SAGE1: variants seen among roughly 807,000 people sequenced by gnomAD.
The protein encoded by SAGE1 is cancer/testis antigen 14.
Under a neutral mutation model 55.4 loss-of-function variants are expected in SAGE1, and 55 were observed. The observed-to-expected ratio is 0.99, with a 90% CI of 0.80 to 1.24. The LOEUF (loss-of-function observed/expected upper bound fraction) is 1.24, where lower values mean the gene tolerates loss of function less well. SAGE1 is among the 50% of genes most tolerant of loss of function. The pLI is 0.00. For synonymous variants in SAGE1, 240 were observed against 244.3 expected (o/e 0.98, Z 0.17); for missense variants, 710 against 704.4 (o/e 1.01, Z -0.09).
intron 2 of SAGE1, among the ~76,000 whole-genome samples, chrX:135,899,927 T>C (rs2088644862): frequency 9.0e-6 from 1 of 111,146 alleles, no homozygotes; most frequent in African/African-American, 3.3e-5. Flanking sequence ...TATAGGGTCA[T>C]GTCATCTGCA....
At position 135,908,908 on chromosome X, in the gene SAGE1, G is replaced by A. The variant is rs782345473; in HGVS notation, c.1486G>A (p.Gly496Ser). ...HSVREEKMES[G>S]KPQTDKVISN... ...TGTTCGTGAAGAGAAGATGGAAAGT[G>A]GCAAACCCCAAACTGATAAGGTCAT... Residue 496 changes from glycine (G) to serine (S), a missense_variant, in exon 13 of 20, where the codon GGC becomes AGC. By Grantham distance (56) the Gly-to-Ser change is moderately conservative (BLOSUM62 0). Coordinates refer to ENST00000370709, the MANE Select transcript of SAGE1 (RefSeq NM_001381902.1). 44 of 1,206,939 alleles carry A rather than the reference G, an allele frequency of 3.6e-5. No individual in the cohort carries two copies. The South Asian group carries it at 7.1e-4, about 19-fold the overall frequency.
intron 2 of SAGE1, among the ~76,000 whole-genome samples, chrX:135,897,128 T>TA (rs1317435355): frequency 4.5e-5 from 5 of 111,991 alleles, no homozygotes; most frequent in Non-Finnish European, 9.4e-5. Flanking sequence ...GTGCTCTGCC[T>TA]AAAAAAATGA....
intron 2 of SAGE1, among the ~76,000 whole-genome samples, chrX:135,897,046 C>G (rs2088597240): frequency 9.0e-6 from 1 of 111,499 alleles, no homozygotes; most frequent in African/African-American, 3.3e-5. Context: ...TATTCTTTCC[C>G]ACTCCCCACA....
In SAGE1 at chrX:135,907,765, C is replaced by T. The variant is rs782157128; in HGVS notation, c.1083C>T (p.Asn361=). 13 of 1,206,413 alleles carry T rather than the reference C, an allele frequency of 1.1e-5. No homozygotes were observed. The highest frequency in any genetic ancestry group is 3.5e-5 in the South Asian group (2 of 56,701). The part of the protein sequence containing the change: ...RVVNNQPLPS[N]ALSTVLPGLA... The stretch of plus-strand genomic sequence containing the variant: ...TAAATAACCAACCACTACCTAGTAA[C>T]GCCTTGTCAACTGTTCTACCAGGGC... The change falls in exon 10 of 20, where the codon AAC becomes AAT. Residue 361 remains asparagine, a synonymous_variant. Coordinates refer to ENST00000370709, the MANE Select transcript of SAGE1 (RefSeq NM_001381902.1).
chrX:135,896,638 A>G (rs1556594049), intron 2 of SAGE1, among the ~76,000 whole-genome samples: 2 of 105,378 alleles, frequency 1.9e-5, no homozygotes, highest in African/African-American at 7.0e-5. Flanking sequence ...AGCTCACCGC[A>G]ACCTCCACTT....
At chrX:135,903,301 A>C (rs5930812) in intron 3 of SAGE1, among the ~76,000 whole-genome samples, 3 of 112,103 alleles carry the variant, frequency 2.7e-5, no homozygotes, top group Admixed American at 9.4e-5. Context: ...CTGCAGCCCC[A>C]GGGGCTCCCT....
chrX:135,895,932 G>A (rs1556593307), intron 1 of SAGE1, among the ~76,000 whole-genome samples: 1 of 111,122 alleles, frequency 9.0e-6, no homozygotes. Flanking sequence ...TCTCAAACTG[G>A]GTTGGAGGCA....
chrX:135,908,731 C>A, intron 12 of SAGE1, 114 bp downstream of exon 12: 1 of 1,021,298 alleles, frequency 9.8e-7, no homozygotes, highest in Middle Eastern at 2.7e-4. Context: ...ATTTGAGGGG[C>A]CTCAGATCAT....
chrX:135,907,542 C>A, intron 9 of SAGE1, 89 bp downstream of exon 9: 1 of 1,008,549 alleles, frequency 9.9e-7, no homozygotes, highest in Non-Finnish European at 1.4e-6. Context: ...TTATTGGATT[C>A]TCTTTCATGA....
Position 135,906,498 on chromosome X carries a change from G to A in SAGE1, c.683G>A (p.Arg228Gln), listed in dbSNP as rs782626692. The A allele has an allele frequency of 2.7e-5, 33 of 1,209,239 alleles. No homozygotes were observed. Among genetic ancestry groups the A allele is most frequent in the African/African-American group, 3.5e-5 (2 of 57,320 alleles). ...AACGTGTTGTTGACTCTTCGACCAC[G>A]GCGTATTAATATGACAGACACTGGT... is the stretch of plus-strand genomic sequence containing the variant. Reference protein sequence around the residue: ...PDNVLLTLRPRRINMTDTGIS... With the variant: ...PDNVLLTLRPQRINMTDTGIS... Residue 228 changes from arginine to glutamine, a missense_variant, in exon 7 of 20, where the codon CGG becomes CAG. Arg to Gln is a conservative substitution (Grantham distance 43, BLOSUM62 1). Transcript: ENST00000370709.
rs1199488356 is a variant in SAGE1 at position 135,910,076 on chromosome X, C to T, written c.1770C>T (p.Gly590=). 3.3e-6 allele frequency: 4 copies of T among 1,204,866 alleles called. No homozygotes were observed. In the African/African-American group the frequency reaches 7.0e-5, roughly 21 times the overall value. Residue 590 remains glycine, a synonymous_variant, in exon 15 of 20, where the codon GGC becomes GGT. Transcript: ENST00000370709. ...TCCATGAAGAGAAGATTAAAAATGG[C>T]CAAGCAGCATCCGATAATGTCTTCT... ...HNVHEEKIKN[G]QAASDNVFST...
At chrX:135,909,531 T>A in intron 13 of SAGE1, 108 bp from the exon 14 acceptor site, 2 of 830,726 alleles carry the variant, frequency 2.4e-6, no homozygotes, top group Non-Finnish European at 3.4e-6. Flanking sequence ...TGTTATAGCC[T>A]CCTGTGTTAT....
At chrX:135,897,009 C>T (rs1432673698) in intron 2 of SAGE1, among the ~76,000 whole-genome samples, 1 of 111,813 alleles carries the variant, frequency 8.9e-6, no homozygotes, top group Admixed American at 9.5e-5. Flanking sequence ...AGGGTTTGAA[C>T]GCATATCTTT....
In SAGE1 at chrX:135,908,389, C is replaced by T. The variant is rs781995744; in HGVS notation, c.1301-88C>T. 16 of 1,080,902 alleles carry T rather than the reference C, an allele frequency of 1.5e-5. 1 individual carries two copies. The highest frequency in any genetic ancestry group is 1.9e-5 in the Non-Finnish European group (15 of 801,507). 89.1% of individuals were successfully genotyped at this position (1,080,902 alleles called of 1,213,427 possible). On this transcript the variant is annotated intron_variant, in intron 11 of 19. Transcript: ENST00000370709. ...TCCTCCTGCTTTATGTGATAAATTC[C>T]TAGAAACTGAGCATCAGAGGGATAT...
At position 135,907,854 on chromosome X, in the gene SAGE1, A is replaced by G; in HGVS notation, c.1159+13A>G. 8.3e-7 allele frequency: 1 copy of G among 1,205,049 alleles called. No individual in the cohort carries two copies. The highest frequency in any genetic ancestry group is 1.1e-6 in the Non-Finnish European group (1 of 890,267). On this transcript the variant is annotated intron_variant, in intron 10 of 19. Transcript: ENST00000370709. ...ACCAGGGATCAGCGTAAGTTTGTTT[A>G]CTAGTTGTGGTGTCCTACTTGGTTT...
At position 135,906,084 on chromosome X, in the gene SAGE1, A is replaced by T. The variant is rs368113626; in HGVS notation, c.515A>T (p.Asp172Val). Reference protein sequence around the residue: ...ERMENGQPQPDNVLSTGPTGL... With the variant: ...ERMENGQPQPVNVLSTGPTGL... ...ATGGAAAATGGCCAACCCCAACCTG[A>T]TAACGTCTTGTCAACTGGTCCCACA... Residue 172 changes from aspartate to valine, a missense_variant, in exon 6 of 20, where the codon GAT becomes GTT. Physicochemically the swap from Asp to Val is radical, Grantham distance 152 (BLOSUM62 -3). Transcript: ENST00000370709. The T allele has an allele frequency of 9.9e-5, 119 of 1,205,330 alleles. 1 individual carries two copies. The highest frequency in any genetic ancestry group is 1.2e-4 in the Non-Finnish European group (107 of 891,331).
At chrX:135,906,759 T>A (rs1376850694) in intron 7 of SAGE1, among the ~76,000 whole-genome samples, 167 bp from the exon 8 acceptor site, 1 of 111,645 alleles carries the variant, frequency 9.0e-6, no homozygotes, top group Non-Finnish European at 1.9e-5. Flanking sequence ...AAGGTGGTTT[T>A]GTTGTATTGT....
chrX:135,906,027 C>T lies in SAGE1; in HGVS notation c.458C>T (p.Ser153Phe), dbSNP rs2088780088. The T allele has an allele frequency of 8.3e-7, 1 of 1,202,449 alleles. No homozygotes were observed. The highest frequency in any genetic ancestry group is 1.8e-5 in the South Asian group (1 of 55,271). ...IPSMSTRDLH[S>F]TVTHNIREER... is the part of the protein sequence containing the mutation. ...GAACTCTTCATTTGGTTTCCAGATT[C>T]TACCGTCACTCACAATATCCGTGAA... The change falls in exon 6 of 20, where the codon TCT becomes TTT. Residue 153 changes from serine to phenylalanine, a missense_variant. Coordinates refer to ENST00000370709, the MANE Select transcript of SAGE1 (RefSeq NM_001381902.1).
At chrX:135,896,554 T>A (rs1228056259) in intron 2 of SAGE1, among the ~76,000 whole-genome samples, 5 of 98,333 alleles carry the variant, frequency 5.1e-5, no homozygotes, top group African/African-American at 1.8e-4. Context: ...TTTATTTTAT[T>A]TATATCTTTT....
Sources: allele counts gnomAD v4.1 joint callset (sites outside exome capture counted in the v4.1 genomes callset), GRCh38; gene constraint gnomAD v4.1.1; transcripts MANE v1.5; gene names NCBI Gene and HGNC (gene_info 2026-07-23, HGNC 2026-07-21).